ZFHX3: variants seen among roughly 807,000 people sequenced by gnomAD.
ZFHX3 encodes the protein zinc finger homeobox 3.
A neutral mutation model predicts 279.1 loss-of-function variants in ZFHX3; 42 were observed. The observed-to-expected ratio is 0.15, with a 90% CI of 0.12 to 0.19. The LOEUF is 0.19. ZFHX3 is among the 10% of genes least tolerant of loss of function. The probability of loss-of-function intolerance (pLI) is 1.00; values close to 1 mark genes in which losing one functional copy is unlikely to be tolerated. For synonymous variants in ZFHX3, 2,293 were observed against 1,957.8 expected (o/e 1.17, Z -4.52); for missense variants, 4,981 against 4,754.0 (o/e 1.05, Z -1.40).
chr16:73,300,582 C>T (rs1286806906), intron 4 of ZFHX3, among the ~76,000 whole-genome samples: 1 of 152,070 alleles, frequency 6.6e-6, no homozygotes. Flanking sequence ...TGGCTTATTG[C>T]AACCTCTGCT....
At chr16:73,053,346 G>A (rs942037444) in intron 1 of ZFHX3, among the ~76,000 whole-genome samples, 1 of 152,182 alleles carries the variant, frequency 6.6e-6, no homozygotes, top group East Asian at 1.9e-4. Context: ...AGGGATGGAA[G>A]GCGGTGGTGG....
intron 5 of ZFHX3, among the ~76,000 whole-genome samples, chr16:73,183,371 G>T (rs980912925): frequency 1.3e-5 from 2 of 152,162 alleles, no homozygotes; most frequent in East Asian, 1.9e-4. Flanking sequence ...AAAGATAGAC[G>T]TTCACCCTTT....
At chr16:73,162,372 A>G (rs1442883993) in intron 5 of ZFHX3, among the ~76,000 whole-genome samples, 1 of 151,918 alleles carries the variant, frequency 6.6e-6, no homozygotes, top group African/African-American at 2.4e-5. Flanking sequence ...GTCTCCCATC[A>G]CCCCCACATG....
chr16:73,486,903 C>T (rs1324508322), intron 2 of ZFHX3: 1 of 454,958 alleles, frequency 2.2e-6, no homozygotes, highest in Admixed American at 2.4e-5. Flanking sequence ...ACAGGTAACA[C>T]TAAGGCAAAT....
chr16:73,852,948 C>CA (rs1961625830), intron 1 of ZFHX3, among the ~76,000 whole-genome samples: 1 of 150,394 alleles, frequency 6.6e-6, no homozygotes. Flanking sequence ...ACAAGGAACT[C>CA]AAACAGCTCA....
At chr16:73,760,447 C>T (rs1308108370) in intron 1 of ZFHX3, among the ~76,000 whole-genome samples, 1 of 148,450 alleles carries the variant, frequency 6.7e-6, no homozygotes, top group East Asian at 1.9e-4. Flanking sequence ...ATGAGGCCAG[C>T]ATCATCCTGA....
intron 3 of ZFHX3, among the ~76,000 whole-genome samples, chr16:73,431,695 A>G (rs1205821252): frequency 6.6e-6 from 1 of 152,154 alleles, no homozygotes; most frequent in African/African-American, 2.4e-5. Context: ...ATACAATTCC[A>G]TGATTTATTT....
chr16:73,536,876 C>A (rs546324684), intron 2 of ZFHX3, among the ~76,000 whole-genome samples: 1 of 152,116 alleles, frequency 6.6e-6, no homozygotes, highest in South Asian at 2.1e-4. Flanking sequence ...ACTAAGGGAT[C>A]TGTGTTTTAT....
At chr16:72,904,783 G>T (rs1467320128) in intron 3 of ZFHX3, among the ~76,000 whole-genome samples, 1 of 151,506 alleles carries the variant, frequency 6.6e-6, no homozygotes, top group Non-Finnish European at 1.5e-5. Flanking sequence ...TGTGGGGGGG[G>T]TCCCACAGCA....
intron 3 of ZFHX3, among the ~76,000 whole-genome samples, chr16:73,414,127 A>G (rs994440390): frequency 2.6e-5 from 4 of 152,260 alleles, no homozygotes; most frequent in South Asian, 2.1e-4. Context: ...GAAACACATT[A>G]TGAAAAATAT....
chr16:73,295,462 T>C (rs8062576), intron 4 of ZFHX3, among the ~76,000 whole-genome samples: 2,845 of 152,334 alleles, frequency 0.019, 59 homozygotes, highest in African/African-American at 0.05. Context: ...ATTTGTGCAT[T>C]TGTTAAACAT....
At chr16:73,726,706 G>A (rs2053521893) in intron 1 of ZFHX3, among the ~76,000 whole-genome samples, 2 of 152,124 alleles carry the variant, frequency 1.3e-5, no homozygotes, top group African/African-American at 4.8e-5. Flanking sequence ...GGGAGCACGA[G>A]GGAGGAGGAG....
chr16:73,771,912 C>A (rs1270105921), intron 1 of ZFHX3, among the ~76,000 whole-genome samples: 1 of 152,110 alleles, frequency 6.6e-6, no homozygotes, highest in Non-Finnish European at 1.5e-5. Context: ...GTGGTCACCT[C>A]CCCCACAGAG....
Position 73,554,545 on chromosome 16 carries a change from G to C in ZFHX3, c.-1546-98287C>G, listed in dbSNP as rs564905999. On this transcript the variant is annotated intron_variant, in intron 2 of 17. Coordinates refer to the ZFHX3 transcript ENST00000641206. ...TCCCGCCTTCTCTTTGCTTTCTACA[G>C]ATTCAGACTTTTCAGGGTGGCATAG... 6.6e-5 allele frequency: 10 copies of C among 152,284 alleles called. No individual in the cohort carries two copies. The East Asian group carries it at 1.9e-3, about 29-fold the overall frequency. The allele number at this position is 152,284 out of a possible 1,614,324, so 9.4% of individuals were successfully genotyped here. A position where few individuals can be genotyped will look rare whatever the true frequency, so the allele number is the denominator to read the frequency against.
intron 2 of ZFHX3, among the ~76,000 whole-genome samples, chr16:73,502,167 G>A (rs949523132): frequency 9.2e-5 from 14 of 152,100 alleles, no homozygotes; most frequent in Admixed American, 4.6e-4. Flanking sequence ...ACGTAAATGC[G>A]AGCTTCTAAA....
chr16:73,061,847 T>C (rs1244103302), upstream of ZFHX3: 1 of 152,230 alleles, frequency 6.6e-6, no homozygotes, highest in Admixed American at 6.5e-5. Flanking sequence ...GTTTCTTATA[T>C]AAAACGGTGC....
chr16:73,358,215 C>G (rs548325597), intron 3 of ZFHX3, among the ~76,000 whole-genome samples: 36 of 152,382 alleles, frequency 2.4e-4, no homozygotes, highest in African/African-American at 8.7e-4. Flanking sequence ...CATCTGCACT[C>G]TCTTGCAGTC....
At chr16:73,624,692 A>T (rs1032171706) in intron 2 of ZFHX3, among the ~76,000 whole-genome samples, 2 of 152,076 alleles carry the variant, frequency 1.3e-5, no homozygotes, top group African/African-American at 4.8e-5. Flanking sequence ...GACTTCATAA[A>T]GCACATTTCA....
intron 1 of ZFHX3, among the ~76,000 whole-genome samples, chr16:72,978,015 C>G (rs1359853745): frequency 6.6e-6 from 1 of 152,162 alleles, no homozygotes; most frequent in African/African-American, 2.4e-5. Flanking sequence ...CAGGCGCACA[C>G]CACCATGCCC....
Sources: allele counts gnomAD v4.1 joint callset (sites outside exome capture counted in the v4.1 genomes callset), GRCh38; gene constraint gnomAD v4.1.1; transcripts MANE v1.5; gene names NCBI Gene and HGNC (gene_info 2026-07-23, HGNC 2026-07-21).